FER: variants seen among roughly 807,000 people sequenced by gnomAD.
FER encodes the protein FER tyrosine kinase.
A neutral mutation model predicts 111.0 loss-of-function variants in FER; 63 were observed. The ratio of observed to expected loss-of-function variants is 0.57; its 90% CI spans 0.46 to 0.70. The LOEUF is 0.70. Ranked by LOEUF, FER falls within the 30% of genes least tolerant of loss-of-function variation. The pLI is 0.00. For synonymous variants in FER, 327 were observed against 313.9 expected, an observed-to-expected ratio of 1.04 and a Z score of -0.44; for missense variants, 914 against 954.0, an observed-to-expected ratio of 0.96 and a Z score of 0.55.
intron 5 of FER, among the ~76,000 whole-genome samples, chr5:108,844,339 A>T (rs973752219): frequency 6.6e-6 from 1 of 152,186 alleles, no homozygotes; most frequent in African/African-American, 2.4e-5. Context: ...AAAATTAAAT[A>T]TATAATCTGT....
chr5:109,040,374 C>A (rs1185180918), intron 14 of FER, among the ~76,000 whole-genome samples: 1 of 151,924 alleles, frequency 6.6e-6, no homozygotes, highest in Admixed American at 6.6e-5. Context: ...GAAGCAATCC[C>A]CAAAGAAGGT....
intron 13 of FER, among the ~76,000 whole-genome samples, chr5:108,995,893 A>AG (rs1487728559): frequency 2.0e-5 from 3 of 151,526 alleles, no homozygotes; most frequent in Admixed American, 1.3e-4. Context: ...ACAGTGTAAA[A>AG]TGTTCCTATT....
rs185441740 is a variant in FER at position 108,875,319 on chromosome 5, A to T, written c.923+3107A>T. ...TTTATGCTACATTATTTTCGGGCTT[A>T]AATCTGAGGTTACTTTCTTTGTATC... On this transcript the variant is annotated intron_variant, in intron 8 of 19. Transcript: ENST00000281092. Among the ~76,000 whole-genome samples, 808 of 152,214 alleles carry T rather than the reference A, an allele frequency of 5.3e-3. 7 individuals carry two copies. Among genetic ancestry groups the T allele is most frequent in the Non-Finnish European group, 8.4e-3 (573 of 68,002 alleles).
At chr5:108,863,807 AAC>A (rs1198152259) in intron 5 of FER, among the ~76,000 whole-genome samples, 3 of 152,228 alleles carry the variant, frequency 2.0e-5, no homozygotes, top group African/African-American at 7.2e-5. Context: ...CATTTATATA[AAC>A]ACATATTTGA....
intron 13 of FER, among the ~76,000 whole-genome samples, chr5:109,027,818 C>T (rs1300882627): frequency 6.6e-6 from 1 of 152,098 alleles, no homozygotes; most frequent in Non-Finnish European, 1.5e-5. Flanking sequence ...AAAATGACTA[C>T]ATTTGTGAGG....
intron 10 of FER, among the ~76,000 whole-genome samples, chr5:108,898,059 A>G (rs1305530153): frequency 6.6e-6 from 1 of 152,172 alleles, no homozygotes; most frequent in Non-Finnish European, 1.5e-5. Flanking sequence ...AGTCAGAGGA[A>G]AAAGTTCTTC....
chr5:108,842,563 G>A (rs1460524307), intron 5 of FER: 2 of 152,066 alleles, frequency 1.3e-5, no homozygotes, highest in Admixed American at 1.3e-4. Flanking sequence ...TCATCAAAAA[G>A]TGGGCTAAGC....
rs532118994 is a variant in FER at position 109,068,358 on chromosome 5, G to GT, written c.1924+21166dup. 1.6e-4 allele frequency among the ~76,000 whole-genome samples: 25 copies of GT among 151,882 alleles called. No individual in the cohort carries two copies. In the South Asian group the frequency reaches 4.4e-3, roughly 27 times the overall value. On this transcript the variant is annotated intron_variant, in intron 16 of 19. Transcript: ENST00000281092. ...GCCTCCACACCCGGCTAATTTTTGT[G>GT]TTTTTTGTAGAGATGGGGTTTCACC...
At chr5:108,806,697 T>C (rs563087296) in intron 3 of FER, among the ~76,000 whole-genome samples, 9 of 152,262 alleles carry the variant, frequency 5.9e-5, no homozygotes, top group South Asian at 4.1e-4. Flanking sequence ...TTGCATGGGG[T>C]CTGTAGTCCC....
At chr5:108,991,636 A>G (rs2149747976) in intron 13 of FER, among the ~76,000 whole-genome samples, 1 of 152,160 alleles carries the variant, frequency 6.6e-6, no homozygotes, top group African/African-American at 2.4e-5. Context: ...GTATTTCAAT[A>G]TCTCCTTCCT....
chr5:108,967,970 A>G (rs1017922154), intron 13 of FER, among the ~76,000 whole-genome samples: 4 of 152,116 alleles, frequency 2.6e-5, no homozygotes, highest in Admixed American at 6.5e-5. Context: ...CTATCTGCCT[A>G]GGCGTTTGTC....
intron 3 of FER, 96 bp downstream of exon 3, chr5:108,798,485 C>T: frequency 1.1e-6 from 1 of 909,490 alleles, no homozygotes; most frequent in Non-Finnish European, 1.7e-6. Flanking sequence ...CTTAAGTCAG[C>T]ATTCTAAAGC....
chr5:109,084,245 A>AT (rs1777306553), intron 16 of FER, among the ~76,000 whole-genome samples: 1 of 152,056 alleles, frequency 6.6e-6, no homozygotes, highest in Non-Finnish European at 1.5e-5. Flanking sequence ...TGTGAATGAT[A>AT]CTGAACTCTC....
chr5:109,111,006 G>A (rs1362277822), intron 17 of FER, among the ~76,000 whole-genome samples: 1 of 152,094 alleles, frequency 6.6e-6, no homozygotes, highest in Non-Finnish European at 1.5e-5. Flanking sequence ...GAAAAATGAA[G>A]ACCTTGAAAT....
At chr5:109,100,955 T>G (rs1370946311) in intron 17 of FER, among the ~76,000 whole-genome samples, 3 of 143,904 alleles carry the variant, frequency 2.1e-5, no homozygotes, top group Admixed American at 2.0e-4. Context: ...GGGTAAAAGA[T>G]TTTCAGACTC....
At chr5:109,019,721 A>G (rs1330464185) in intron 13 of FER, among the ~76,000 whole-genome samples, 1 of 151,812 alleles carries the variant, frequency 6.6e-6, no homozygotes, top group Non-Finnish European at 1.5e-5. Flanking sequence ...GGTGGAGGTC[A>G]TTCATTTCTT....
intron 3 of FER, among the ~76,000 whole-genome samples, chr5:108,812,746 G>GTTTATTGT (rs1757896224): frequency 6.6e-6 from 1 of 151,814 alleles, no homozygotes; most frequent in South Asian, 2.1e-4. Context: ...TTATTTTAAT[G>GTTTATTGT]GTTGCATTAA....
intron 13 of FER, among the ~76,000 whole-genome samples, chr5:109,008,593 C>G (rs1482755018): frequency 6.6e-6 from 1 of 152,128 alleles, no homozygotes; most frequent in Admixed American, 6.6e-5. Flanking sequence ...CTCACCTTCC[C>G]TAGGCCTTTC....
intron 13 of FER, among the ~76,000 whole-genome samples, chr5:108,988,091 G>A (rs570594962): frequency 2.1e-4 from 32 of 152,150 alleles, no homozygotes; most frequent in Non-Finnish European, 3.4e-4. Flanking sequence ...GGTGTATTAC[G>A]TTTATTGACT....
Sources: allele counts gnomAD v4.1 joint callset (sites outside exome capture counted in the v4.1 genomes callset), GRCh38; gene constraint gnomAD v4.1.1; transcripts MANE v1.5; gene names NCBI Gene and HGNC (gene_info 2026-07-23, HGNC 2026-07-21).